Variants in ASB4 observed in about 807,000 individuals in gnomAD.
The protein encoded by ASB4 is ankyrin repeat and SOCS box protein 4.
A neutral mutation model predicts 38.6 loss-of-function variants in ASB4; 35 were observed. That is an observed-to-expected ratio of 0.91 (90% CI 0.69 to 1.20). The LOEUF (loss-of-function observed/expected upper bound fraction) is 1.20, where lower values mean the gene tolerates loss of function less well. ASB4 is among the 50% of genes most tolerant of loss of function. The pLI is 0.00. For synonymous variants in ASB4, 195 were observed against 201.3 expected (o/e 0.97, Z 0.26); for missense variants, 557 against 527.2 (o/e 1.06, Z -0.55).
chr7:95,503,435 C>T (rs1461783138), intron 2 of ASB4, among the ~76,000 whole-genome samples: 5 of 152,202 alleles, frequency 3.3e-5, no homozygotes, highest in Non-Finnish European at 7.3e-5. Flanking sequence ...TAAATAGTTA[C>T]TGAGATTACT....
At chr7:95,516,379 AG>A (rs1266711110) in intron 2 of ASB4, among the ~76,000 whole-genome samples, 1 of 152,196 alleles carries the variant, frequency 6.6e-6, no homozygotes, top group Non-Finnish European at 1.5e-5. Flanking sequence ...AAATAAATAC[AG>A]GGTGACTGAG....
chr7:95,484,932 C>G (rs1051686801), upstream of ASB4, among the ~76,000 whole-genome samples: 1 of 150,574 alleles, frequency 6.6e-6, no homozygotes, highest in Non-Finnish European at 1.5e-5. Context: ...CACTTGCTAT[C>G]TCTCTGTTTC....
chr7:95,515,187 T>TTCTCTC (rs1317253404), intron 2 of ASB4, among the ~76,000 whole-genome samples: 1 of 121,872 alleles, frequency 8.2e-6, no homozygotes, highest in Admixed American at 8.0e-5. Flanking sequence ...CTTTCTTTCT[T>TTCTCTC]TCTTTCTTTC....
At chr7:95,482,484 T>G (rs1300895444), upstream of ASB4, among the ~76,000 whole-genome samples, 1 of 152,216 alleles carries the variant, frequency 6.6e-6, no homozygotes, top group Non-Finnish European at 1.5e-5. Flanking sequence ...AATCTGTCCA[T>G]TGATCAGCTT....
At chr7:95,528,601 G>C in intron 3 of ASB4, 1 of 1,371,940 alleles carries the variant, frequency 7.3e-7, no homozygotes, top group Non-Finnish European at 9.4e-7. Context: ...AAGTCTGCCA[G>C]AAAGGTGAAT....
the ASB4 span, among the ~76,000 whole-genome samples, chr7:95,550,868 T>G: frequency 6.6e-6 from 1 of 152,200 alleles, no homozygotes; most frequent in Non-Finnish European, 1.5e-5. Flanking sequence ...GTACAGGATG[T>G]CTTTCCAACC....
At chr7:95,508,442 A>G (rs1790439205) in intron 2 of ASB4, among the ~76,000 whole-genome samples, 2 of 152,210 alleles carry the variant, frequency 1.3e-5, no homozygotes. Context: ...GAGAGGAAAT[A>G]TTATATTTTC....
At chr7:95,526,764 T>C (rs963131942) in intron 2 of ASB4, among the ~76,000 whole-genome samples, 2 of 152,122 alleles carry the variant, frequency 1.3e-5, no homozygotes, top group Non-Finnish European at 2.9e-5. Context: ...ATAACAATAA[T>C]AATAATAAGT....
chr7:95,476,482 A>G (rs1789978400), upstream of ASB4, among the ~76,000 whole-genome samples: 1 of 152,238 alleles, frequency 6.6e-6, no homozygotes, highest in Non-Finnish European at 1.5e-5. Context: ...AGGAAGATCT[A>G]GAGGACAAGC....
chr7:95,515,678 G>A (rs1001898049), intron 2 of ASB4, among the ~76,000 whole-genome samples: 1 of 152,144 alleles, frequency 6.6e-6, no homozygotes, highest in African/African-American at 2.4e-5. Context: ...GCCTCCCAAA[G>A]TGCTGGGACT....
chr7:95,473,165 A>T, the ASB4 span, among the ~76,000 whole-genome samples: 6 of 152,142 alleles, frequency 3.9e-5, no homozygotes, highest in African/African-American at 1.2e-4. Context: ...ACAAAAAGGG[A>T]ATTTCTCACC....
intron 1 of ASB4, among the ~76,000 whole-genome samples, chr7:95,490,160 C>A (rs1318884353): frequency 6.6e-6 from 1 of 152,216 alleles, no homozygotes; most frequent in Non-Finnish European, 1.5e-5. Flanking sequence ...AATGATTTCA[C>A]TTAAAAAACT....
Position 95,537,688 on chromosome 7 carries a change from ATT to A in ASB4, c.1211_1212del (p.Ile404ThrfsTer36). ...ATTACACAACAGATGCCATAGAGCAATTCCTTTGCTTTCCCTCCCATTGTCAT... is the reference window on the plus strand; with the variant it reads ...ATTACACAACAGATGCCATAGAGCAACCTTTGCTTTCCCTCCCATTGTCAT... ...RTLHNRCHRA[I>X]PLLSLPLSLK... is the part of the protein sequence containing the mutation. On this transcript the variant is annotated frameshift_variant, in exon 5 of 5. Coordinates refer to ENST00000325885, the MANE Select transcript of ASB4 (RefSeq NM_016116.3). 1 of 1,613,940 alleles carries A rather than the reference ATT, an allele frequency of 6.2e-7. No individual in the cohort carries two copies.
At chr7:95,489,448 A>G (rs1156281723) in intron 1 of ASB4, among the ~76,000 whole-genome samples, 1 of 152,194 alleles carries the variant, frequency 6.6e-6, no homozygotes, top group African/African-American at 2.4e-5. Context: ...GCACCTAATC[A>G]TGATTCTTAA....
chr7:95,536,601 C>A, intron 4 of ASB4, 51 bp downstream of exon 4: 1 of 1,355,024 alleles, frequency 7.4e-7, no homozygotes, highest in Non-Finnish European at 1.0e-6. Context: ...TACTTCCAGA[C>A]TGCTCTAGAA....
At position 95,538,014 on chromosome 7, in the gene ASB4, TCTTA is replaced by T. The variant is rs1790920196; in HGVS notation, c.*258_*261del. 1 of 350,866 alleles carries T rather than the reference TCTTA, an allele frequency of 2.9e-6. No individual in the cohort carries two copies. Among genetic ancestry groups the T allele is most frequent in the Non-Finnish European group, 5.2e-6 (1 of 193,754 alleles). 21.7% of individuals were successfully genotyped at this position (350,866 alleles called of 1,614,324 possible). A position where few individuals can be genotyped will look rare whatever the true frequency, so the allele number is the denominator to read the frequency against. On this transcript the variant is annotated 3_prime_UTR_variant, in exon 5 of 5. Transcript: ENST00000325885. Reference sequence around the variant, plus strand: ...CAGTAATAACTAATATGTATAGTGTTCTTACTAAGTACCTGAAATATTTTTGTAA... The same window carrying T: ...CAGTAATAACTAATATGTATAGTGTTCTAAGTACCTGAAATATTTTTGTAA...
At chr7:95,529,581 T>C (rs1210596648) in intron 3 of ASB4, among the ~76,000 whole-genome samples, 1 of 152,190 alleles carries the variant, frequency 6.6e-6, no homozygotes, top group Non-Finnish European at 1.5e-5. Flanking sequence ...TCCTGTGATC[T>C]CAATAGGAAT....
intron 2 of ASB4, among the ~76,000 whole-genome samples, chr7:95,512,842 G>A (rs1316338880): frequency 6.6e-6 from 1 of 152,128 alleles, no homozygotes; most frequent in Admixed American, 6.5e-5. Flanking sequence ...TTCTATCAGT[G>A]CGTTAGGAAG....
intron 1 of ASB4, among the ~76,000 whole-genome samples, chr7:95,490,277 T>C (rs1014896631): frequency 2.0e-5 from 3 of 152,250 alleles, no homozygotes; most frequent in Admixed American, 6.5e-5. Context: ...TCACCTAATT[T>C]TCCTCTTTGC....
Sources: allele counts gnomAD v4.1 joint callset (sites outside exome capture counted in the v4.1 genomes callset), GRCh38; gene constraint gnomAD v4.1.1; transcripts MANE v1.5; gene names NCBI Gene and HGNC (gene_info 2026-07-23, HGNC 2026-07-21).